Variants in JAKMIP3 observed in about 807,000 individuals in gnomAD.
The protein encoded by JAKMIP3 is Janus kinase and microtubule interacting protein 3, also known as janus kinase and microtubule-interacting protein 3.
JAKMIP3 carries 58 observed loss-of-function variants against 118.5 expected under a neutral mutation model. The observed-to-expected ratio is 0.49, with a 90% CI of 0.40 to 0.61. The LOEUF (loss-of-function observed/expected upper bound fraction) is 0.61, where lower values mean the gene tolerates loss of function less well. JAKMIP3 is among the 20% of genes least tolerant of loss of function. The probability of loss-of-function intolerance (pLI) is 0.00; values close to 1 mark genes in which losing one functional copy is unlikely to be tolerated. For synonymous variants in JAKMIP3, 486 were observed against 451.2 expected, an observed-to-expected ratio of 1.08 and a Z score of -0.98; for missense variants, 950 against 1,109.0, an observed-to-expected ratio of 0.86 and a Z score of 2.04.
chr10:132,105,199 G>C (rs58612265), intron 2 of JAKMIP3, among the ~76,000 whole-genome samples: 7 of 152,336 alleles, frequency 4.6e-5, no homozygotes, highest in African/African-American at 1.7e-4. Context: ...TGCTGCATGG[G>C]GACAGCCCTC....
intron 19 of JAKMIP3, among the ~76,000 whole-genome samples, chr10:132,154,825 G>A (rs1277407707): frequency 6.8e-6 from 1 of 146,970 alleles, no homozygotes; most frequent in Non-Finnish European, 1.5e-5. Context: ...TGCTGGCAAT[G>A]GCAATGGTGA....
intron 1 of JAKMIP3, among the ~76,000 whole-genome samples, chr10:132,037,176 G>A (rs1431284345): frequency 6.6e-6 from 1 of 152,262 alleles, no homozygotes; most frequent in Non-Finnish European, 1.5e-5. Flanking sequence ...CTGACGATAC[G>A]GGAAGCCAGA....
At chr10:132,148,210 A>G (rs1020633596) in intron 14 of JAKMIP3, among the ~76,000 whole-genome samples, 160 bp downstream of exon 14, 4 of 152,196 alleles carry the variant, frequency 2.6e-5, no homozygotes, top group Middle Eastern at 3.4e-3. Flanking sequence ...GTAAACCGCC[A>G]CCTCTTCATA....
At chr10:132,164,614 T>C in intron 20 of JAKMIP3, 56 bp from the exon 21 acceptor site, 1 of 1,136,980 alleles carries the variant, frequency 8.8e-7, no homozygotes, top group East Asian at 2.4e-5. Context: ...TCTTGAAGGA[T>C]TTGGGTTTCC....
rs2048336428 is a variant in JAKMIP3 at position 132,120,261 on chromosome 10, GC to G, written c.633+2691del. Among the ~76,000 whole-genome samples the G allele has an allele frequency of 2.0e-5, 3 of 152,184 alleles. No individual in the cohort carries two copies. The South Asian group carries it at 6.2e-4, about 32-fold the overall frequency. On this transcript the variant is annotated intron_variant, in intron 3 of 23. Transcript: ENST00000684848. Reference sequence around the variant, plus strand: ...GGGAAGACCAGTGTTGCCCGTGAGAGCCCCTGCCCCACCACCAACATCCAGG... The same window carrying G: ...GGGAAGACCAGTGTTGCCCGTGAGAGCCCTGCCCCACCACCAACATCCAGG...
intron 1 of JAKMIP3, among the ~76,000 whole-genome samples, chr10:132,102,971 G>A (rs1237541415): frequency 6.6e-6 from 1 of 150,816 alleles, no homozygotes; most frequent in Non-Finnish European, 1.5e-5. Context: ...GGGGTGGGGG[G>A]AAGTGTTCAC....
chr10:132,130,404 T>A (rs976504420), intron 3 of JAKMIP3, among the ~76,000 whole-genome samples: 1 of 152,250 alleles, frequency 6.6e-6, no homozygotes, highest in African/African-American at 2.4e-5. Context: ...AGCAGCCTTT[T>A]CTGTCTCACA....
intron 4 of JAKMIP3, among the ~76,000 whole-genome samples, chr10:132,134,665 T>C (rs1466241308): frequency 6.6e-6 from 1 of 152,238 alleles, no homozygotes; most frequent in Non-Finnish European, 1.5e-5. Context: ...GGCAGAGGGC[T>C]GGGAGCTGGC....
chr10:132,078,184 G>C (rs939349891), intron 1 of JAKMIP3, among the ~76,000 whole-genome samples: 1 of 81,860 alleles, frequency 1.2e-5, no homozygotes, highest in African/African-American at 8.1e-5. Flanking sequence ...AGTTTATCTA[G>C]TGAGAACTTA....
At chr10:132,080,702 T>C (rs1006845489) in intron 1 of JAKMIP3, among the ~76,000 whole-genome samples, 3 of 151,640 alleles carry the variant, frequency 2.0e-5, no homozygotes, top group Non-Finnish European at 2.9e-5. Flanking sequence ...TTTTTTCTAG[T>C]AGTGACAAGG....
chr10:132,157,250 G>C (rs1221272742), intron 19 of JAKMIP3, among the ~76,000 whole-genome samples: 1 of 152,072 alleles, frequency 6.6e-6, no homozygotes, highest in Non-Finnish European at 1.5e-5. Flanking sequence ...GTGTGCGCAC[G>C]TGCATTTTCA....
At chr10:132,071,817 C>A (rs2039911910) in intron 1 of JAKMIP3, among the ~76,000 whole-genome samples, 2 of 134,410 alleles carry the variant, frequency 1.5e-5, no homozygotes, top group African/African-American at 6.0e-5. Flanking sequence ...CCTTTCCTTT[C>A]TTTTCTTTCC....
chr10:132,183,940 T>G lies in JAKMIP3; in HGVS notation c.*2687T>G, dbSNP rs2137457156. ...CCAAACCAATGGGCTAGAGTGAATT[T>G]CCTCCAAGTACTTGGGCTGTCTTAC... On this transcript the variant is annotated 3_prime_UTR_variant, in exon 24 of 24. Transcript: ENST00000684848. 1 of 152,328 alleles carries G rather than the reference T, an allele frequency of 6.6e-6. No individual in the cohort carries two copies. Among genetic ancestry groups the G allele is most frequent in the East Asian group, 1.9e-4 (1 of 5,190 alleles). The allele number at this position is 152,328 out of a possible 1,614,324, so 9.4% of individuals were successfully genotyped here. A position where few individuals can be genotyped will look rare whatever the true frequency, so the allele number is the denominator to read the frequency against.
At chr10:132,056,833 G>A (rs1291922967) in intron 1 of JAKMIP3, among the ~76,000 whole-genome samples, 2 of 152,146 alleles carry the variant, frequency 1.3e-5, no homozygotes, top group Admixed American at 1.3e-4. Context: ...CTCTCGCCTG[G>A]CCTGATGGTG....
intron 12 of JAKMIP3, 49 bp downstream of exon 12, chr10:132,145,239 G>A (rs547396841): frequency 6.9e-6 from 10 of 1,441,996 alleles, no homozygotes; most frequent in Non-Finnish European, 9.6e-6. Flanking sequence ...GTGGGTGGGA[G>A]GTATTTGGCT....
intron 3 of JAKMIP3, among the ~76,000 whole-genome samples, chr10:132,125,513 C>T (rs1228611659): frequency 6.6e-6 from 1 of 152,242 alleles, no homozygotes; most frequent in African/African-American, 2.4e-5. Flanking sequence ...AGTTCTACAA[C>T]TTCCTTCTTT....
chr10:132,037,759 G>A (rs2037560007), intron 1 of JAKMIP3, among the ~76,000 whole-genome samples: 1 of 152,240 alleles, frequency 6.6e-6, no homozygotes, highest in Non-Finnish European at 1.5e-5. Context: ...CAGGCACCCT[G>A]CAGCCCTTTC....
At chr10:132,101,150 G>C (rs1474014639) in intron 1 of JAKMIP3, among the ~76,000 whole-genome samples, 4 of 152,194 alleles carry the variant, frequency 2.6e-5, no homozygotes, top group Non-Finnish European at 5.9e-5. Flanking sequence ...CCTGGGACGG[G>C]AGGAGGGAGG....
chr10:132,047,966 G>A (rs1322152695), intron 1 of JAKMIP3, among the ~76,000 whole-genome samples: 1 of 152,240 alleles, frequency 6.6e-6, no homozygotes, highest in African/African-American at 2.4e-5. Context: ...GGCGCCGCCT[G>A]TGTCTTTCCT....
Sources: gnomAD v4.1 joint callset for allele counts (sites outside exome capture counted in the v4.1 genomes callset) on GRCh38, gnomAD v4.1.1 for gene constraint, MANE v1.5 for transcripts, NCBI Gene and HGNC (gene_info 2026-07-23, HGNC 2026-07-21) for gene names.